Variants in TIAM1 observed in about 807,000 individuals in gnomAD.
TIAM1 encodes TIAM Rac1 associated GEF 1.
In TIAM1, 65 loss-of-function variants were observed where a neutral mutation model predicts 163.5. That is an observed-to-expected ratio of 0.40 (90% CI 0.33 to 0.49). The LOEUF is 0.49. Among genes scored for constraint, TIAM1 ranks in the 20% least tolerant of loss-of-function variants. TIAM1 has a pLI of 0.77. For synonymous variants in TIAM1, 833 were observed against 810.1 expected (o/e 1.03, Z -0.48); for missense variants, 1,789 against 2,044.7 (o/e 0.87, Z 2.41).
At chr21:31,146,403 CAAAAAAAAA>C (rs10542614) in intron 20 of TIAM1, among the ~76,000 whole-genome samples, 1 of 89,918 alleles carries the variant, frequency 1.1e-5, no homozygotes, top group African/African-American at 4.0e-5. Flanking sequence ...GGCTCTGTGT[CAAAAAAAAA>C]AAAAAAAAAA....
At chr21:31,387,433 G>C (rs931748103) in intron 2 of TIAM1, among the ~76,000 whole-genome samples, 3 of 151,528 alleles carry the variant, frequency 2.0e-5, no homozygotes, top group Admixed American at 2.0e-4. Flanking sequence ...GGCTGGTCTC[G>C]AACTCCTGAC....
chr21:31,412,713 G>A (rs1273318550), intron 2 of TIAM1, among the ~76,000 whole-genome samples: 1 of 150,668 alleles, frequency 6.6e-6, no homozygotes, highest in East Asian at 2.0e-4. Context: ...ACCTGGGAGG[G>A]AGAGGTTGCA....
intron 24 of TIAM1, 54 bp downstream of exon 24, chr21:31,130,836 G>T: frequency 6.6e-7 from 1 of 1,525,714 alleles, no homozygotes; most frequent in South Asian, 1.1e-5. Flanking sequence ...AGGCATAACT[G>T]ATAAGCAGAT....
intron 1 of TIAM1, among the ~76,000 whole-genome samples, chr21:31,517,216 C>T (rs1307528303): frequency 6.6e-6 from 1 of 152,156 alleles, no homozygotes; most frequent in African/African-American, 2.4e-5. Context: ...CTCCATCACA[C>T]GATCTCAGGA....
chr21:31,212,037 T>C (rs1202250623), intron 10 of TIAM1, among the ~76,000 whole-genome samples: 3 of 152,178 alleles, frequency 2.0e-5, no homozygotes, highest in Admixed American at 6.5e-5. Flanking sequence ...CATCAAAAAC[T>C]ATGCTTGGAT....
intron 11 of TIAM1, among the ~76,000 whole-genome samples, chr21:31,207,240 A>G (rs538634705): frequency 2.6e-5 from 4 of 152,370 alleles, no homozygotes; most frequent in East Asian, 1.9e-4. Context: ...AACATCTGTG[A>G]CATGAATTGT....
At chr21:31,218,960 T>G (rs1432936272) in intron 8 of TIAM1, among the ~76,000 whole-genome samples, 1 of 151,852 alleles carries the variant, frequency 6.6e-6, no homozygotes, top group African/African-American at 2.4e-5. Flanking sequence ...TGTATTTTTT[T>G]GTTGAACAAA....
chr21:31,187,941 G>A (rs946201870), intron 13 of TIAM1, among the ~76,000 whole-genome samples: 1 of 152,058 alleles, frequency 6.6e-6, no homozygotes, highest in Non-Finnish European at 1.5e-5. Context: ...AAAGGGCAAG[G>A]GGAACACATG....
intron 2 of TIAM1, among the ~76,000 whole-genome samples, chr21:31,399,783 T>C (rs988831306): frequency 1.2e-4 from 18 of 152,206 alleles, no homozygotes; most frequent in Middle Eastern, 3.2e-3. Flanking sequence ...CCTGCACAAA[T>C]AGACATGCCT....
intron 1 of TIAM1, among the ~76,000 whole-genome samples, chr21:31,477,136 C>T (rs1262485692): frequency 6.6e-6 from 1 of 152,132 alleles, no homozygotes; most frequent in Admixed American, 6.6e-5. Context: ...GGGGAAATTG[C>T]CCTTTTGGTA....
intron 11 of TIAM1, among the ~76,000 whole-genome samples, chr21:31,204,591 T>G (rs1212970651): frequency 6.6e-6 from 1 of 152,186 alleles, no homozygotes; most frequent in Admixed American, 6.5e-5. Flanking sequence ...TCAGTTACAC[T>G]TAACGAACTC....
At chr21:31,176,048 G>A (rs2084748966) in intron 15 of TIAM1, among the ~76,000 whole-genome samples, 1 of 152,130 alleles carries the variant, frequency 6.6e-6, no homozygotes, top group Non-Finnish European at 1.5e-5. Flanking sequence ...AGATTTGGCT[G>A]CCCAGTGGCC....
At chr21:31,553,796 C>G (rs1184081276) in intron 1 of TIAM1, among the ~76,000 whole-genome samples, 1 of 152,232 alleles carries the variant, frequency 6.6e-6, no homozygotes, top group Middle Eastern at 3.4e-3. Context: ...ACTATTGTCC[C>G]GATCCCACCT....
intron 2 of TIAM1, among the ~76,000 whole-genome samples, chr21:31,400,035 A>C (rs1289714086): frequency 6.6e-6 from 1 of 151,526 alleles, no homozygotes; most frequent in Non-Finnish European, 1.5e-5. Context: ...CCTATCTACC[A>C]AAAAAAACAA....
In TIAM1 at chr21:31,385,737, C is replaced by G. The variant is rs936667750; in HGVS notation, c.-368-46315G>C. On this transcript the variant is annotated intron_variant, in intron 2 of 28. Transcript: ENST00000286827. ...AGATTTAAAAAAAAAAAAAAATGTACCCTACACCAGCTGTTTAAAACGTAA... is the reference window on the plus strand; with the variant it reads ...AGATTTAAAAAAAAAAAAAAATGTAGCCTACACCAGCTGTTTAAAACGTAA... Among the ~76,000 whole-genome samples, 4 of 148,582 alleles carry G rather than the reference C, an allele frequency of 2.7e-5. No homozygotes were observed. In the South Asian group the frequency reaches 8.5e-4, roughly 31 times the overall value.
chr21:31,155,084 C>G (rs1303902203), intron 16 of TIAM1, among the ~76,000 whole-genome samples: 1 of 152,230 alleles, frequency 6.6e-6, no homozygotes, highest in Admixed American at 6.5e-5. Flanking sequence ...GAGATTAGCC[C>G]TAAAATAGGC....
rs1218051318 is a variant in TIAM1 at position 31,395,655 on chromosome 21, G to T, written c.-368-56233C>A. Among the ~76,000 whole-genome samples, 2 of 152,182 alleles carry T rather than the reference G, an allele frequency of 1.3e-5. No homozygotes were observed. Among genetic ancestry groups the T allele is most frequent in the East Asian group, 3.9e-4 (2 of 5,194 alleles). The stretch of plus-strand genomic sequence containing the variant: ...AGAGGGCATGGGGGTAGTAAAAGGT[G>T]CTGGACGAGAGAATAAATATTGACT... On this transcript the variant is annotated intron_variant, in intron 2 of 28. Transcript: ENST00000286827. The surrounding 1 kb of genome is among the most constrained non-coding windows in gnomAD (Gnocchi z 7.5).
intron 7 of TIAM1, 86 bp from the exon 8 acceptor site, chr21:31,223,677 C>T (rs929026994): frequency 2.3e-6 from 3 of 1,317,054 alleles, no homozygotes; most frequent in East Asian, 2.5e-5. Context: ...ATCTATATGT[C>T]GTAAAGGCAT....
chr21:31,291,506 CCTTT>C (rs2074018425), intron 2 of TIAM1, among the ~76,000 whole-genome samples: 1 of 152,072 alleles, frequency 6.6e-6, no homozygotes, highest in South Asian at 2.1e-4. Context: ...AAATTCCATG[CCTTT>C]ATTTATTTAT....
Sources: allele counts gnomAD v4.1 joint callset (sites outside exome capture counted in the v4.1 genomes callset), GRCh38; gene constraint gnomAD v4.1.1; non-coding constraint Gnocchi (gnomAD v3.1); transcripts MANE v1.5; gene names NCBI Gene and HGNC (gene_info 2026-07-23, HGNC 2026-07-21).